CDK15: variants seen among roughly 807,000 people sequenced by gnomAD.
The protein encoded by CDK15 is cyclin-dependent kinase 15.
Under a neutral mutation model 60.3 loss-of-function variants are expected in CDK15, and 62 were observed. The observed-to-expected ratio is 1.03, with a 90% CI of 0.84 to 1.27. The LOEUF (loss-of-function observed/expected upper bound fraction) is 1.27, where lower values mean the gene tolerates loss of function less well. CDK15 is among the 50% of genes most tolerant of loss of function. The probability of loss-of-function intolerance (pLI) is 0.00; values close to 1 mark genes in which losing one functional copy is unlikely to be tolerated. For missense variants in CDK15, 541 were observed against 527.8 expected, an observed-to-expected ratio of 1.03 and a Z score of -0.25; for synonymous variants, 194 against 195.7, an observed-to-expected ratio of 0.99 and a Z score of 0.07.
intron 6 of CDK15, chr2:201,824,843 G>C: frequency 1.7e-6 from 1 of 592,212 alleles, no homozygotes; most frequent in Non-Finnish European, 2.4e-6. Flanking sequence ...TGATCAAAAA[G>C]AAAAACCACA....
At chr2:201,829,443 T>C (rs1440754332) in intron 6 of CDK15, among the ~76,000 whole-genome samples, 1 of 152,156 alleles carries the variant, frequency 6.6e-6, no homozygotes, top group Non-Finnish European at 1.5e-5. Flanking sequence ...GTCAGCGATA[T>C]TTTTTTCTGG....
chr2:201,890,062 A>G (rs1699591567), intron 12 of CDK15, among the ~76,000 whole-genome samples: 1 of 151,994 alleles, frequency 6.6e-6, no homozygotes, highest in Admixed American at 6.6e-5. Flanking sequence ...AAAAGAAAAA[A>G]AAAAAAAAAA....
intron 10 of CDK15, among the ~76,000 whole-genome samples, chr2:201,867,305 G>A (rs16838323): frequency 0.25 from 37,847 of 151,934 alleles, 6,378 homozygotes; most frequent in African/African-American, 0.47. Context: ...TTAGCTCCTC[G>A]CTGGAAAATT....
intron 8 of CDK15, among the ~76,000 whole-genome samples, chr2:201,840,498 C>T (rs1458059406): frequency 6.6e-6 from 1 of 152,156 alleles, no homozygotes; most frequent in Non-Finnish European, 1.5e-5. Flanking sequence ...TTCCTTTGTA[C>T]ACTTTAGTTA....
chr2:201,858,621 T>C (rs1159054403), intron 10 of CDK15, among the ~76,000 whole-genome samples: 1 of 151,994 alleles, frequency 6.6e-6, no homozygotes, highest in African/African-American at 2.4e-5. Flanking sequence ...CAGAGCAATA[T>C]ATCCAAATGT....
chr2:201,886,674 A>C (rs907953120), intron 12 of CDK15, among the ~76,000 whole-genome samples: 1 of 152,196 alleles, frequency 6.6e-6, no homozygotes. Context: ...CCTGTGACTC[A>C]TTCAGTTTTA....
intron 10 of CDK15, among the ~76,000 whole-genome samples, chr2:201,863,895 C>T (rs912026765): frequency 2.0e-5 from 3 of 152,074 alleles, no homozygotes; most frequent in Non-Finnish European, 4.4e-5. Flanking sequence ...GACTCCATCT[C>T]AGAAAAACAA....
intron 8 of CDK15, among the ~76,000 whole-genome samples, chr2:201,840,538 G>A (rs1017084708): frequency 6.6e-6 from 1 of 152,154 alleles, no homozygotes; most frequent in Non-Finnish European, 1.5e-5. Context: ...CATTTCTCCT[G>A]AAATACATCT....
intron 9 of CDK15, among the ~76,000 whole-genome samples, chr2:201,848,351 T>C (rs1697761069): frequency 6.6e-6 from 1 of 152,224 alleles, no homozygotes; most frequent in African/African-American, 2.4e-5. Flanking sequence ...GTCATCTGTA[T>C]ATTTCCTTTT....
At chr2:201,851,403 T>C (rs1253651169) in intron 9 of CDK15, among the ~76,000 whole-genome samples, 1 of 151,430 alleles carries the variant, frequency 6.6e-6, no homozygotes, top group African/African-American at 2.4e-5. Flanking sequence ...AGAGATTTGG[T>C]CTCCAAGTTA....
rs72270010 is a variant in CDK15, at chr2:201,866,010, ATGTGTGTG to A, written c.1010-6238_1010-6231del. Among the ~76,000 whole-genome samples the A allele has an allele frequency of 3.5e-3, 487 of 139,714 alleles. 5 individuals are homozygous for A. The highest frequency in any genetic ancestry group is 0.011 in the African/African-American group (411 of 38,416). 91.7% of individuals were successfully genotyped at this position (139,714 alleles called of 152,430 possible). ...CAAACAGTTTTGAGGACATGAGTGA[ATGTGTGTG>A]TGTGTGTGTGTGTGTGTGTGTGTGT... On this transcript the variant is annotated intron_variant, in intron 10 of 13. Transcript: ENST00000652192.
chr2:201,876,644 C>A (rs796106892), intron 11 of CDK15: 10 of 1,087,822 alleles, frequency 9.2e-6, no homozygotes, highest in South Asian at 7.9e-5. Context: ...AGTCCAGAAA[C>A]CACCAGAAGC....
intron 9 of CDK15, among the ~76,000 whole-genome samples, chr2:201,851,694 C>CTGTT (rs879686515): frequency 2.0e-5 from 3 of 152,106 alleles, no homozygotes; most frequent in Non-Finnish European, 2.9e-5. Flanking sequence ...GAGTCTCACT[C>CTGTT]TGTTGCCCAG....
intron 10 of CDK15, among the ~76,000 whole-genome samples, chr2:201,860,150 G>A (rs1357558831): frequency 3.3e-5 from 5 of 152,150 alleles, no homozygotes; most frequent in Non-Finnish European, 5.9e-5. Context: ...AAGCGCTCAC[G>A]CTGTGTGAGC....
chr2:201,818,601 T>G (rs1696088777), intron 4 of CDK15, among the ~76,000 whole-genome samples: 1 of 152,208 alleles, frequency 6.6e-6, no homozygotes, highest in Non-Finnish European at 1.5e-5. Flanking sequence ...ATCCCTCTGG[T>G]GGATGGACCA....
rs761474386 is a variant in CDK15 at position 201,823,665 on chromosome 2, C to T, written c.544C>T (p.His182Tyr). The T allele has an allele frequency of 6.2e-7, 1 of 1,613,564 alleles. No individual in the cohort carries two copies. The highest frequency in any genetic ancestry group is 8.5e-7 in the Non-Finnish European group (1 of 1,179,614). Residue 182 changes from histidine (H) to tyrosine (Y), a missense_variant and splice_region_variant, in exon 6 of 14, where the codon CAC becomes TAC. Transcript: ENST00000652192. ...TCTCTTTCTCCGCTGTTTTATTTAG[C>T]ACACAGACCTGGCCCAGTATATGTC... ...ETLTFVFEYM[H>Y]TDLAQYMSQH...
intron 12 of CDK15, among the ~76,000 whole-genome samples, chr2:201,885,187 G>A (rs1280631623): frequency 6.6e-6 from 1 of 152,090 alleles, no homozygotes; most frequent in Non-Finnish European, 1.5e-5. Flanking sequence ...ATGCCTTTTT[G>A]CAACAATTTA....
intron 6 of CDK15, among the ~76,000 whole-genome samples, chr2:201,825,267 C>T (rs1262638718): frequency 7.0e-6 from 1 of 143,328 alleles, no homozygotes; most frequent in Non-Finnish European, 1.5e-5. Context: ...GAGCAAAGAT[C>T]ACACCAATGC....
chr2:201,826,288 G>C (rs542545326), intron 6 of CDK15, among the ~76,000 whole-genome samples: 1 of 151,944 alleles, frequency 6.6e-6, no homozygotes, highest in Non-Finnish European at 1.5e-5. Context: ...GTGAAACCCC[G>C]TCTCTACTAA....
Sources: gnomAD v4.1 joint callset for allele counts (sites outside exome capture counted in the v4.1 genomes callset) on GRCh38, gnomAD v4.1.1 for gene constraint, MANE v1.5 for transcripts, NCBI Gene and HGNC (gene_info 2026-07-23, HGNC 2026-07-21) for gene names.